BTBD2: variants seen among roughly 807,000 people sequenced by gnomAD.
BTBD2 encodes the protein BTB domain containing 2.
A neutral mutation model predicts 44.0 loss-of-function variants in BTBD2; 15 were observed. That is an observed-to-expected ratio of 0.34 (90% CI 0.23 to 0.53). The LOEUF is 0.53. Ranked by LOEUF, BTBD2 falls within the 20% of genes least tolerant of loss-of-function variation. The pLI is 0.95. For synonymous variants in BTBD2, 443 were observed against 335.9 expected, an observed-to-expected ratio of 1.32 and a Z score of -3.49; for missense variants, 657 against 746.4, an observed-to-expected ratio of 0.88 and a Z score of 1.39.
intron 1 of BTBD2, among the ~76,000 whole-genome samples, chr19:1,999,703 G>A: frequency 6.6e-6 from 1 of 151,914 alleles, no homozygotes; most frequent in Admixed American, 6.6e-5. Context: ...GCTCACGCCT[G>A]TAATCCCACC....
At chr19:1,989,639 A>C (rs957245827) in intron 5 of BTBD2, 29 of 313,746 alleles carry the variant, frequency 9.2e-5, no homozygotes, top group Non-Finnish European at 1.0e-4. Flanking sequence ...ACTCGGGCGC[A>C]TGACAGCCAC....
chr19:2,011,924 G>A (rs2016469974), intron 1 of BTBD2, among the ~76,000 whole-genome samples: 1 of 151,668 alleles, frequency 6.6e-6, no homozygotes, highest in Non-Finnish European at 1.5e-5. Context: ...GCGCAACCTC[G>A]GCTCACTGCA....
chr19:1,991,711 C>T (rs1252893047), intron 3 of BTBD2, among the ~76,000 whole-genome samples: 1 of 152,152 alleles, frequency 6.6e-6, no homozygotes, highest in Non-Finnish European at 1.5e-5. Flanking sequence ...CTCTGGCCAC[C>T]CTCCACCCCC....
At chr19:2,003,533 G>T (rs1568220669) in intron 1 of BTBD2, 1 of 152,206 alleles carries the variant, frequency 6.6e-6, no homozygotes, top group African/African-American at 2.4e-5. Flanking sequence ...ACTATGGGAG[G>T]CCAAGGCAGG....
chr19:2,004,261 A>C (rs1268874857), intron 1 of BTBD2, among the ~76,000 whole-genome samples: 1 of 150,590 alleles, frequency 6.6e-6, no homozygotes. Flanking sequence ...TGTCACAGGC[A>C]CACATCCTTA....
At chr19:2,001,961 G>A (rs1022327425) in intron 1 of BTBD2, among the ~76,000 whole-genome samples, 2 of 152,094 alleles carry the variant, frequency 1.3e-5, no homozygotes, top group East Asian at 1.9e-4. Context: ...GGGTGGCCTC[G>A]AACTCCTGAC....
Position 1,986,812 on chromosome 19 carries a change from C to T in BTBD2, c.1416+18G>A, listed in dbSNP as rs746564335. On this transcript the variant is annotated intron_variant, in intron 8 of 8. Transcript: ENST00000255608. The stretch of plus-strand genomic sequence containing the variant: ...GCCAGAGACTCCCACGGAGGGACCC[C>T]TGTCCCCGGCGGCGCACCTTGAGCG... 2 of 1,594,388 alleles carry T rather than the reference C, an allele frequency of 1.3e-6. No individual in the cohort carries two copies. The highest frequency in any genetic ancestry group is 1.7e-5 in the Admixed American group (1 of 59,262).
At chr19:1,989,675 G>C (rs1407777328) in intron 5 of BTBD2, 3 of 381,502 alleles carry the variant, frequency 7.9e-6, no homozygotes, top group African/African-American at 6.2e-5. Flanking sequence ...GCCCTCCTGA[G>C]CTCGTCACAG....
At chr19:2,003,768 T>A (rs1599357526) in intron 1 of BTBD2, among the ~76,000 whole-genome samples, 1 of 97,874 alleles carries the variant, frequency 1.0e-5, no homozygotes, top group Non-Finnish European at 2.0e-5. Context: ...CGAAACTCCG[T>A]CAAAGAAAAA....
intron 1 of BTBD2, among the ~76,000 whole-genome samples, chr19:1,999,508 C>T (rs1369757530): frequency 6.6e-6 from 1 of 151,934 alleles, no homozygotes; most frequent in Non-Finnish European, 1.5e-5. Context: ...TCTACAAAAA[C>T]ATTGAAAATT....
intron 4 of BTBD2, chr19:1,990,486 AC>A (rs2016159927): frequency 8.2e-6 from 5 of 609,236 alleles, no homozygotes. Context: ...CCATCGGAGG[AC>A]GAGATGGTCA....
In BTBD2 at chr19:2,005,767, G is replaced by A. The variant is rs182903035; in HGVS notation, c.408-8304C>T. Reference sequence around the variant, plus strand: ...ATCGCGCTCCAGCCTGGGAACAAGAGCAAAACTCCGTCTCAAAAAAAAAAA... The same window carrying A: ...ATCGCGCTCCAGCCTGGGAACAAGAACAAAACTCCGTCTCAAAAAAAAAAA... On this transcript the variant is annotated intron_variant, in intron 1 of 8. Coordinates refer to ENST00000255608, the MANE Select transcript of BTBD2 (RefSeq NM_017797.4). 1.8e-3 allele frequency among the ~76,000 whole-genome samples: 252 copies of A among 140,698 alleles called. 2 individuals are homozygous for A. Among genetic ancestry groups the A allele is most frequent in the African/African-American group, 6.8e-3 (246 of 36,152 alleles). 92.3% of individuals were successfully genotyped at this position (140,698 alleles called of 152,430 possible). A position where few individuals can be genotyped will look rare whatever the true frequency, so the allele number is the denominator to read the frequency against.
intron 1 of BTBD2, among the ~76,000 whole-genome samples, chr19:2,008,083 C>T (rs1196928632): frequency 6.6e-6 from 1 of 151,938 alleles, no homozygotes; most frequent in East Asian, 1.9e-4. Flanking sequence ...CAGCTCACTG[C>T]AACCTCCACC....
At chr19:2,001,572 G>A (rs945395677) in intron 1 of BTBD2, among the ~76,000 whole-genome samples, 2 of 152,218 alleles carry the variant, frequency 1.3e-5, no homozygotes, top group African/African-American at 4.8e-5. Context: ...TGTAATCTAC[G>A]CAATGCAACG....
At position 1,990,811 on chromosome 19, in the gene BTBD2, G is replaced by A. The variant is rs748965481; in HGVS notation, c.696C>T (p.Phe232=). Residue 232 remains phenylalanine, a synonymous_variant, in exon 4 of 9, where the codon TTC becomes TTT. Coordinates refer to ENST00000255608, the MANE Select transcript of BTBD2 (RefSeq NM_017797.4). ...ACAGGCTGGCCAGCTGCGGTTCATC[G>A]AAGAGTCGCGCCTGGCAAGAGACAT... ...AFMLLTQARL[F]DEPQLASLCL... 16 of 1,571,418 alleles carry A rather than the reference G, an allele frequency of 1.0e-5. No homozygotes were observed. The East Asian group carries it at 1.9e-4, about 19-fold the overall frequency.
chr19:2,005,597 T>C (rs948550276), intron 1 of BTBD2, among the ~76,000 whole-genome samples: 5 of 150,444 alleles, frequency 3.3e-5, no homozygotes, highest in East Asian at 4.0e-4. Context: ...GCCTGACCAA[T>C]AGGATGAAAC....
At chr19:1,987,851 C>T (rs1454807067) in intron 5 of BTBD2, 159 bp from the exon 6 acceptor site, 2 of 686,382 alleles carry the variant, frequency 2.9e-6, no homozygotes, top group Non-Finnish European at 2.4e-6. Flanking sequence ...CAGCCATGGC[C>T]CCTGCTGCCT....
chr19:1,990,633 G>T, intron 4 of BTBD2, 84 bp downstream of exon 4: 1 of 1,305,146 alleles, frequency 7.7e-7, no homozygotes, highest in Non-Finnish European at 1.1e-6. Flanking sequence ...AACTCCCCCA[G>T]GCCCAAAGCT....
chr19:1,990,400 G>A lies in BTBD2; in HGVS notation c.791-199C>T, dbSNP rs1225975705. On this transcript the variant is annotated intron_variant, in intron 4 of 8. Transcript: ENST00000255608. ...ACGCCCCTTCATTTTCCTCGGCTGTGGTTGTTTTTAAGCCACAAGGACAGA... is the reference window on the plus strand; with the variant it reads ...ACGCCCCTTCATTTTCCTCGGCTGTAGTTGTTTTTAAGCCACAAGGACAGA... 4.5e-6 allele frequency: 3 copies of A among 659,420 alleles called. No homozygotes were observed. In the South Asian group the frequency reaches 5.8e-5, roughly 13 times the overall value. The allele number at this position is 659,420 out of a possible 1,614,324, so 40.8% of individuals were successfully genotyped here.
Sources: gnomAD v4.1 joint callset for allele counts (sites outside exome capture counted in the v4.1 genomes callset) on GRCh38, gnomAD v4.1.1 for gene constraint, MANE v1.5 for transcripts, NCBI Gene and HGNC (gene_info 2026-07-23, HGNC 2026-07-21) for gene names.